AATF: variants seen among roughly 807,000 people sequenced by gnomAD.
AATF encodes the protein apoptosis antagonizing transcription factor.
AATF carries 48 observed loss-of-function variants against 63.7 expected under a neutral mutation model. The ratio of observed to expected loss-of-function variants is 0.75; its 90% CI spans 0.60 to 0.96. The LOEUF (loss-of-function observed/expected upper bound fraction) is 0.96, where lower values mean the gene tolerates loss of function less well. Ranked by LOEUF, AATF falls within the 40% of genes least tolerant of loss-of-function variation. The probability of loss-of-function intolerance (pLI) is 0.00; values close to 1 mark genes in which losing one functional copy is unlikely to be tolerated. For missense variants in AATF, 639 were observed against 685.7 expected (o/e 0.93, Z 0.76); for synonymous variants, 258 against 247.7 (o/e 1.04, Z -0.39).
chr17:37,037,482 G>A (rs961174533), intron 11 of AATF, among the ~76,000 whole-genome samples: 3 of 152,204 alleles, frequency 2.0e-5, no homozygotes, highest in African/African-American at 7.2e-5. Flanking sequence ...TTGCAGGGCT[G>A]TTGTTCACTT....
At chr17:37,052,954 A>C (rs911955991) in intron 11 of AATF, among the ~76,000 whole-genome samples, 13 of 152,164 alleles carry the variant, frequency 8.5e-5, no homozygotes, top group Non-Finnish European at 1.0e-4. Context: ...GACCGTTAGG[A>C]CTAATGTTTG....
intron 11 of AATF, among the ~76,000 whole-genome samples, chr17:37,040,667 A>G (rs1410348478): frequency 6.6e-6 from 1 of 151,998 alleles, no homozygotes; most frequent in Non-Finnish European, 1.5e-5. Flanking sequence ...CATGTGCCAC[A>G]GGGAAGGCCC....
intron 8 of AATF, among the ~76,000 whole-genome samples, chr17:37,010,822 G>A (rs1444758830): frequency 2.0e-5 from 3 of 152,178 alleles, no homozygotes; most frequent in Non-Finnish European, 4.4e-5. Context: ...GAGGGCCCAC[G>A]GAGCATTTCA....
At chr17:36,956,530 A>G (rs2142206309) in intron 4 of AATF, among the ~76,000 whole-genome samples, 1 of 152,110 alleles carries the variant, frequency 6.6e-6, no homozygotes, top group South Asian at 2.1e-4. Flanking sequence ...AAAATTAGCC[A>G]AGTGTGGTGG....
intron 9 of AATF, among the ~76,000 whole-genome samples, chr17:37,019,435 A>G (rs2071452962): frequency 6.6e-6 from 1 of 152,198 alleles, no homozygotes; most frequent in Non-Finnish European, 1.5e-5. Context: ...TGCGCACAAC[A>G]GGTTCTTTGC....
rs2071009164 is a variant in AATF, at chr17:36,968,266, C to CTTT, written c.832+14360_832+14362dup. Among the ~76,000 whole-genome samples the CTTT allele has an allele frequency of 1.2e-3, 92 of 75,550 alleles. 3 individuals are homozygous for CTTT. The highest frequency in any genetic ancestry group is 4.4e-3 in the African/African-American group (81 of 18,476). The allele number at this position is 75,550 out of a possible 152,430, so 49.6% of individuals were successfully genotyped here. Reference sequence around the variant, plus strand: ...CTTTTTTCTTTTTCTTTCTTTCCTTCTTTCTTTTTTTTTTTTTTTTTTTTT... The same window carrying CTTT: ...CTTTTTTCTTTTTCTTTCTTTCCTTCTTTTTTCTTTTTTTTTTTTTTTTTTTTT... On this transcript the variant is annotated intron_variant, in intron 4 of 11. Coordinates refer to ENST00000619387, the MANE Select transcript of AATF (RefSeq NM_012138.4).
chr17:36,973,702 T>C (rs2071057491), intron 4 of AATF, among the ~76,000 whole-genome samples: 1 of 152,216 alleles, frequency 6.6e-6, no homozygotes, highest in Non-Finnish European at 1.5e-5. Context: ...GACCATTTTT[T>C]AGGTGATAAA....
intron 10 of AATF, among the ~76,000 whole-genome samples, chr17:37,024,490 A>G (rs1318611120): frequency 6.6e-6 from 1 of 152,212 alleles, no homozygotes; most frequent in African/African-American, 2.4e-5. Flanking sequence ...TCACTGGCCA[A>G]CTGGCCTATA....
At position 37,044,812 on chromosome 17, in the gene AATF, G is replaced by A. The variant is rs73985348; in HGVS notation, c.1620-11789G>A. ...ATTTTCTTACAGCATAGTTCGTGTC[G>A]GTGCTCAAAAAGTTTTAGATTTCGG... On this transcript the variant is annotated intron_variant, in intron 11 of 11. Transcript: ENST00000619387. Among the ~76,000 whole-genome samples, 848 of 152,158 alleles carry A rather than the reference G, an allele frequency of 5.6e-3. 9 individuals carry two copies. The highest frequency in any genetic ancestry group is 0.019 in the African/African-American group (801 of 41,506).
chr17:36,974,068 CAAA>C (rs71159673), intron 4 of AATF, among the ~76,000 whole-genome samples: 2 of 121,782 alleles, frequency 1.6e-5, no homozygotes, highest in Admixed American at 8.8e-5. Flanking sequence ...GAGTCCATCT[CAAA>C]AAAAAAAAAA....
At chr17:36,978,709 T>A (rs983725665) in intron 4 of AATF, among the ~76,000 whole-genome samples, 1 of 151,880 alleles carries the variant, frequency 6.6e-6, no homozygotes, top group Non-Finnish European at 1.5e-5. Context: ...TATCTAGAAA[T>A]TCTAGTTGGC....
chr17:36,989,595 G>A (rs2291322), intron 7 of AATF, among the ~76,000 whole-genome samples, 184 bp downstream of exon 7: 18,271 of 152,008 alleles, frequency 0.12, 1,328 homozygotes, highest in Non-Finnish European at 0.16. Context: ...TTAAAAATGG[G>A]GCTTCTATTA....
chr17:37,049,261 A>G (rs2071724494), intron 11 of AATF, among the ~76,000 whole-genome samples: 1 of 152,142 alleles, frequency 6.6e-6, no homozygotes, highest in Non-Finnish European at 1.5e-5. Flanking sequence ...CTATTTAACT[A>G]TTCAAGATTT....
chr17:37,002,105 G>A (rs1466507763), intron 8 of AATF, among the ~76,000 whole-genome samples: 11 of 151,556 alleles, frequency 7.3e-5, no homozygotes, highest in Admixed American at 6.6e-4. Flanking sequence ...GCAAGGCTGA[G>A]GCAGGAGAAT....
intron 8 of AATF, among the ~76,000 whole-genome samples, chr17:37,000,414 G>T (rs1458043829): frequency 6.6e-6 from 1 of 152,102 alleles, no homozygotes; most frequent in African/African-American, 2.4e-5. Flanking sequence ...TCAGGAGCTC[G>T]GTTTTGGTTA....
At chr17:36,990,043 A>G (rs1035772415) in intron 7 of AATF, among the ~76,000 whole-genome samples, 1 of 152,134 alleles carries the variant, frequency 6.6e-6, no homozygotes, top group Non-Finnish European at 1.5e-5. Flanking sequence ...AGTTGTAACA[A>G]GTTTTTGGGT....
At chr17:36,967,270 G>C (rs2070998462) in intron 4 of AATF, among the ~76,000 whole-genome samples, 1 of 152,074 alleles carries the variant, frequency 6.6e-6, no homozygotes, top group Admixed American at 6.5e-5. Context: ...TCAGTGTTCA[G>C]TATTTACATT....
intron 8 of AATF, among the ~76,000 whole-genome samples, chr17:37,010,966 G>A (rs572621366): frequency 6.6e-6 from 1 of 152,312 alleles, no homozygotes; most frequent in South Asian, 2.1e-4. Context: ...CTACTCTTGA[G>A]TACAATGAGG....
chr17:37,050,292 C>T (rs1042127855), intron 11 of AATF, among the ~76,000 whole-genome samples: 3 of 152,150 alleles, frequency 2.0e-5, no homozygotes, highest in Admixed American at 6.5e-5. Flanking sequence ...TTCACCTTCC[C>T]GATCTAGCTT....
Sources: allele counts gnomAD v4.1 joint callset (sites outside exome capture counted in the v4.1 genomes callset), GRCh38; gene constraint gnomAD v4.1.1; transcripts MANE v1.5; gene names NCBI Gene and HGNC (gene_info 2026-07-23, HGNC 2026-07-21).